The following PCNX2 variants were observed in gnomAD, a reference collection of about 807,000 sequenced individuals.
PCNX2 encodes pecanex-like protein 2.
A neutral mutation model predicts 223.8 loss-of-function variants in PCNX2; 168 were observed. The observed-to-expected ratio is 0.75, with a 90% CI of 0.66 to 0.85. The LOEUF (loss-of-function observed/expected upper bound fraction) is 0.85. Ranked by LOEUF, PCNX2 falls within the 40% of genes least tolerant of loss-of-function variation. PCNX2 has a pLI of 0.00. For missense variants in PCNX2, 2,507 were observed against 2,675.5 expected, an observed-to-expected ratio of 0.94 and a Z score of 1.39; for synonymous variants, 1,006 against 1,052.6, an observed-to-expected ratio of 0.96 and a Z score of 0.86.
chr1:233,012,715 C>T (rs987204520), intron 28 of PCNX2, among the ~76,000 whole-genome samples: 2 of 152,060 alleles, frequency 1.3e-5, no homozygotes, highest in Admixed American at 6.6e-5. Flanking sequence ...AAACAAGAAA[C>T]GCCTGGATCA....
chr1:233,275,492 T>C (rs111277259), intron 1 of PCNX2, among the ~76,000 whole-genome samples: 15,088 of 152,064 alleles, frequency 0.099, 910 homozygotes, highest in South Asian at 0.19. Flanking sequence ...CGTGAGCCAC[T>C]GCACCCAGCT....
chr1:233,158,035 A>T (rs1678234808), intron 19 of PCNX2, among the ~76,000 whole-genome samples: 1 of 152,104 alleles, frequency 6.6e-6, no homozygotes, highest in Non-Finnish European at 1.5e-5. Context: ...CGAGAGGGGA[A>T]GTCAGAAACA....
chr1:233,286,882 T>C (rs1572206785), intron 1 of PCNX2, among the ~76,000 whole-genome samples: 1 of 152,190 alleles, frequency 6.6e-6, no homozygotes, highest in Non-Finnish European at 1.5e-5. Flanking sequence ...TGTGCCATCC[T>C]CATGTCCCTT....
chr1:233,057,933 AT>A (rs1258428912), intron 23 of PCNX2: 1 of 985,288 alleles, frequency 1.0e-6, no homozygotes, highest in Non-Finnish European at 1.2e-6. Context: ...CCACAAAGGT[AT>A]CTTTCTCTTC....
intron 21 of PCNX2, among the ~76,000 whole-genome samples, chr1:233,113,711 C>G (rs74145053): frequency 6.6e-6 from 1 of 152,150 alleles, no homozygotes; most frequent in Admixed American, 6.5e-5. Context: ...TAGTGCAGAG[C>G]TTGTGAAATT....
At position 233,170,878 on chromosome 1, in the gene PCNX2, C is replaced by T. The variant is rs12070697; in HGVS notation, c.3273+6924G>A. Among the ~76,000 whole-genome samples the T allele has an allele frequency of 3.9e-3, 601 of 152,312 alleles. 2 individuals are homozygous for T. Among genetic ancestry groups the T allele is most frequent in the African/African-American group, 0.014 (563 of 41,566 alleles). On this transcript the variant is annotated intron_variant, in intron 17 of 33. Coordinates refer to ENST00000258229, the MANE Select transcript of PCNX2 (RefSeq NM_014801.4). ...TTAGTAGTTGCACAAAACATTCCAA[C>T]ATGCATACCTAATTTATCACAGACC...
the PCNX2 span, among the ~76,000 whole-genome samples, chr1:233,308,214 T>C: frequency 4.6e-5 from 7 of 152,142 alleles, no homozygotes; most frequent in African/African-American, 1.7e-4. Flanking sequence ...CCCAGCACTT[T>C]GGGAGGCCGA....
chr1:233,014,560 A>AT, intron 28 of PCNX2, 105 bp downstream of exon 28: 1 of 828,554 alleles, frequency 1.2e-6, no homozygotes, highest in East Asian at 2.6e-5. Context: ...TGAAAGTAGT[A>AT]TAATAAGTCC....
At chr1:233,087,143 C>A in intron 23 of PCNX2, 1 of 985,352 alleles carries the variant, frequency 1.0e-6, no homozygotes, top group Non-Finnish European at 1.2e-6. Context: ...TTTATCACTT[C>A]CTTGAAGTAT....
At chr1:233,041,382 C>T (rs986545787) in intron 25 of PCNX2, among the ~76,000 whole-genome samples, 4 of 152,156 alleles carry the variant, frequency 2.6e-5, no homozygotes, top group African/African-American at 4.8e-5. Context: ...TGTGATGCCG[C>T]AAGTGAAAAA....
chr1:232,985,977 AG>A (rs1415312274), intron 33 of PCNX2, 114 bp downstream of exon 33: 7 of 1,148,224 alleles, frequency 6.1e-6, no homozygotes, highest in Non-Finnish European at 8.9e-6. Context: ...CCCATAGAGA[AG>A]GGGATGGGGT....
chr1:232,991,347 G>A lies in PCNX2; in HGVS notation c.5792-4807C>T, dbSNP rs2102782226. Among the ~76,000 whole-genome samples, 1 of 152,254 alleles carries A rather than the reference G, an allele frequency of 6.6e-6. No homozygotes were observed. Among genetic ancestry groups the A allele is most frequent in the South Asian group, 2.1e-4 (1 of 4,824 alleles). ...CTGTTGAGGGACAGCAAGAGACCGT[G>A]TGCTGGGGATGTGGGCTCATAAGAG... On this transcript the variant is annotated intron_variant, in intron 32 of 33. Transcript: ENST00000258229. This position sits in a 1 kb window ranked among gnomAD's most constrained non-coding sequence, Gnocchi z 4.3.
At chr1:233,260,516 T>C (rs1231492547) in intron 4 of PCNX2, among the ~76,000 whole-genome samples, 1 of 152,216 alleles carries the variant, frequency 6.6e-6, no homozygotes, top group Non-Finnish European at 1.5e-5. Flanking sequence ...CATGTGAATT[T>C]ATTTCAGTAG....
chr1:233,005,675 A>G (rs1670259221), intron 28 of PCNX2, among the ~76,000 whole-genome samples: 1 of 152,064 alleles, frequency 6.6e-6, no homozygotes, highest in Admixed American at 6.5e-5. Flanking sequence ...TCCCCCTGAG[A>G]GAATGAAGAG....
chr1:233,084,308 C>T (rs1673496276), intron 23 of PCNX2, among the ~76,000 whole-genome samples: 1 of 152,148 alleles, frequency 6.6e-6, no homozygotes, highest in Non-Finnish European at 1.5e-5. Flanking sequence ...AAAGGCAGGT[C>T]CAAGGATACA....
At chr1:233,159,486 G>A (rs1678335362) in intron 19 of PCNX2, among the ~76,000 whole-genome samples, 1 of 152,122 alleles carries the variant, frequency 6.6e-6, no homozygotes, top group Non-Finnish European at 1.5e-5. Flanking sequence ...GCTAACAACT[G>A]AGAAGTTACA....
intron 23 of PCNX2, among the ~76,000 whole-genome samples, chr1:233,086,686 A>G (rs1317218992): frequency 6.6e-6 from 1 of 151,984 alleles, no homozygotes; most frequent in Non-Finnish European, 1.5e-5. Context: ...AATAATAATA[A>G]TAATAAAATA....
At chr1:233,263,634 T>C (rs964279221) in intron 1 of PCNX2, among the ~76,000 whole-genome samples, 1 of 152,062 alleles carries the variant, frequency 6.6e-6, no homozygotes, top group Non-Finnish European at 1.5e-5. Flanking sequence ...TTTTGTATTT[T>C]TAATAGAGAC....
intron 21 of PCNX2, among the ~76,000 whole-genome samples, chr1:233,106,083 T>G (rs1317761958): frequency 1.3e-5 from 2 of 152,154 alleles, no homozygotes; most frequent in African/African-American, 4.8e-5. Context: ...ATAATGACAG[T>G]GACTGACGAG....
Sources: allele counts gnomAD v4.1 joint callset (sites outside exome capture counted in the v4.1 genomes callset), GRCh38; gene constraint gnomAD v4.1.1; non-coding constraint Gnocchi (gnomAD v3.1); transcripts MANE v1.5; gene names NCBI Gene and HGNC (gene_info 2026-07-23, HGNC 2026-07-21).